ARHGAP40: variants seen among roughly 807,000 people sequenced by gnomAD.
The protein encoded by ARHGAP40 is Rho GTPase activating protein 40.
A neutral mutation model predicts 73.5 loss-of-function variants in ARHGAP40; 43 were observed. The ratio of observed to expected loss-of-function variants is 0.58; its 90% CI spans 0.46 to 0.75. The LOEUF is 0.75. Ranked by LOEUF, ARHGAP40 falls within the 30% of genes least tolerant of loss-of-function variation. The pLI is 0.00. For missense variants in ARHGAP40, 734 were observed against 861.8 expected (o/e 0.85, Z 1.86); for synonymous variants, 300 against 352.8 (o/e 0.85, Z 1.68).
At chr20:38,630,497 A>G (rs886294638) in intron 5 of ARHGAP40, among the ~76,000 whole-genome samples, 3 of 152,254 alleles carry the variant, frequency 2.0e-5, no homozygotes, top group Admixed American at 6.5e-5. Context: ...CTGGGATTAC[A>G]GGTGTGAGCC....
intron 5 of ARHGAP40, among the ~76,000 whole-genome samples, chr20:38,634,081 G>A (rs2088958309): frequency 6.6e-6 from 1 of 152,294 alleles, no homozygotes; most frequent in Middle Eastern, 3.4e-3. Flanking sequence ...GGTCGTTGCC[G>A]TGGCTCATGC....
chr20:38,648,557 G>A (rs779931591), intron 13 of ARHGAP40, 86 bp from the exon 14 acceptor site: 109 of 1,146,736 alleles, frequency 9.5e-5, no homozygotes, highest in Non-Finnish European at 1.1e-4. Flanking sequence ...CCCTTTCCAG[G>A]GCTGGGGGCC....
chr20:38,614,780 C>T lies in ARHGAP40; in HGVS notation c.138-8579C>T, dbSNP rs1201563914. On this transcript the variant is annotated intron_variant, in intron 1 of 14. Transcript: ENST00000373345. ...AAACTTGTTGCTTCTCCAACAATGT[C>T]ATGAATCCATTCCTTGCACCATCGC... 7 of 637,718 alleles carry T rather than the reference C, an allele frequency of 1.1e-5. No homozygotes were observed. In the Admixed American group the frequency reaches 1.3e-4, roughly 12 times the overall value. 39.5% of individuals were successfully genotyped at this position (637,718 alleles called of 1,614,324 possible).
intron 1 of ARHGAP40, among the ~76,000 whole-genome samples, chr20:38,604,941 GA>G (rs1277591806): frequency 1.5e-3 from 208 of 139,458 alleles, no homozygotes; most frequent in African/African-American, 2.6e-3. Flanking sequence ...CACTGCCAAA[GA>G]AAAAAAAAAA....
rs2145616415 is a variant in ARHGAP40, at chr20:38,646,480, A to G, written c.1710+293A>G. On this transcript the variant is annotated intron_variant, in intron 12 of 14. Coordinates refer to ENST00000373345, the Ensembl canonical transcript of ARHGAP40. This position sits in a 1 kb window ranked among gnomAD's most constrained non-coding sequence, Gnocchi z 4.5. Reference sequence around the variant, plus strand: ...CCTGGCCGAGGGTTGGGAAAATGGGAGTCGCTCTGCGGGGTGTGAGGTGAT... The same window carrying G: ...CCTGGCCGAGGGTTGGGAAAATGGGGGTCGCTCTGCGGGGTGTGAGGTGAT... 6.6e-6 allele frequency among the ~76,000 whole-genome samples: 1 copy of G among 152,282 alleles called. No homozygotes were observed. The highest frequency in any genetic ancestry group is 1.9e-4 in the East Asian group (1 of 5,180).
Position 38,639,361 on chromosome 20 carries a change from C to A in ARHGAP40, c.1254C>A (p.Tyr418Ter). 1 of 1,305,550 alleles carries A rather than the reference C, an allele frequency of 7.7e-7. No individual in the cohort carries two copies. Among genetic ancestry groups the A allele is most frequent in the Non-Finnish European group, 1.0e-6 (1 of 988,994 alleles). 80.9% of individuals were successfully genotyped at this position (1,305,550 alleles called of 1,614,324 possible). The stretch of plus-strand genomic sequence containing the variant: ...CGACACCTTTGCTCACGGCTGAGTA[C>A]CTCCCGGCCTTCGCCGTGGTGCCTA... Residue 418 changes from tyrosine to a stop codon, truncating the protein, a stop_gained, in exon 9 of 15, where the codon TAC becomes TAA. Transcript: ENST00000373345. LOFTEE classifies it high-confidence loss of function.
At chr20:38,622,578 G>A (rs1233608965) in intron 1 of ARHGAP40, among the ~76,000 whole-genome samples, 1 of 152,132 alleles carries the variant, frequency 6.6e-6, no homozygotes, top group Non-Finnish European at 1.5e-5. Context: ...AGAAGAGGGG[G>A]ATTAAAGGGA....
chr20:38,633,954 T>C (rs2088957446), intron 5 of ARHGAP40, among the ~76,000 whole-genome samples: 1 of 152,212 alleles, frequency 6.6e-6, no homozygotes, highest in South Asian at 2.1e-4. Context: ...CCAGGTCCTC[T>C]TGTGGAAGGG....
exon 7 of ARHGAP40, chr20:38,637,716 C>T (rs1322351846): frequency 9.2e-6 from 12 of 1,305,224 alleles, no homozygotes; most frequent in South Asian, 7.4e-5. Context: ...AGAAACTCGC[C>T]TCTTTGGTGT....
At chr20:38,642,608 TCCTC>T (rs368402526) in intron 10 of ARHGAP40, among the ~76,000 whole-genome samples, 1 of 151,436 alleles carries the variant, frequency 6.6e-6, no homozygotes, top group Non-Finnish European at 1.5e-5. Context: ...CTTCCTTTCT[TCCTC>T]CCTCCCTCCC....
At chr20:38,643,301 C>T (rs938195985) in intron 10 of ARHGAP40, among the ~76,000 whole-genome samples, 1 of 152,232 alleles carries the variant, frequency 6.6e-6, no homozygotes, top group African/African-American at 2.4e-5. Flanking sequence ...AGTGTCTCTG[C>T]TTCTCCCAGC....
At chr20:38,607,871 A>C (rs922399315) in intron 1 of ARHGAP40, among the ~76,000 whole-genome samples, 5 of 152,268 alleles carry the variant, frequency 3.3e-5, no homozygotes, top group African/African-American at 1.2e-4. Flanking sequence ...GGGCATTTGC[A>C]TTTTATCTCC....
At chr20:38,611,559 A>C (rs2088805168) in intron 1 of ARHGAP40, among the ~76,000 whole-genome samples, 1 of 151,550 alleles carries the variant, frequency 6.6e-6, no homozygotes, top group Non-Finnish European at 1.5e-5. Flanking sequence ...CTGGGACTCC[A>C]GTTATGCACA....
At chr20:38,630,926 T>G (rs1232738447) in intron 5 of ARHGAP40, among the ~76,000 whole-genome samples, 1 of 152,162 alleles carries the variant, frequency 6.6e-6, no homozygotes, top group African/African-American at 2.4e-5. Context: ...GATGCAATCT[T>G]AGGTAACATT....
At chr20:38,604,186 C>A (rs1268758874) in intron 1 of ARHGAP40, among the ~76,000 whole-genome samples, 1 of 152,174 alleles carries the variant, frequency 6.6e-6, no homozygotes, top group Non-Finnish European at 1.5e-5. Context: ...GACTCCACCA[C>A]CACCCTCCCT....
At chr20:38,640,787 T>C (rs1445317995) in intron 9 of ARHGAP40, among the ~76,000 whole-genome samples, 4 of 152,122 alleles carry the variant, frequency 2.6e-5, no homozygotes, top group Admixed American at 2.0e-4. Flanking sequence ...CCACCCTCAT[T>C]TGGCTGCTTT....
At chr20:38,610,895 C>CTT (rs1409196101) in intron 1 of ARHGAP40, among the ~76,000 whole-genome samples, 16 of 105,674 alleles carry the variant, frequency 1.5e-4, no homozygotes, top group Non-Finnish European at 2.3e-4. Flanking sequence ...TTTTTTTTTT[C>CTT]TTTTTTTTTT....
intron 14 of ARHGAP40, among the ~76,000 whole-genome samples, 198 bp from the exon 15 acceptor site, chr20:38,649,559 A>G (rs1274740114): frequency 6.6e-6 from 1 of 150,426 alleles, no homozygotes; most frequent in African/African-American, 2.4e-5. Flanking sequence ...TTCCCAGGGG[A>G]AAGGGGGTGT....
In ARHGAP40 at chr20:38,629,685, TCC is replaced by T. The variant is rs1568608387; in HGVS notation, c.783+39_783+40del. The T allele has an allele frequency of 5.4e-6, 7 of 1,300,860 alleles. No individual in the cohort carries two copies. In the Admixed American group the frequency reaches 1.6e-4, roughly 30 times the overall value. 80.6% of individuals were successfully genotyped at this position (1,300,860 alleles called of 1,614,324 possible). ...CTGTCCACAGGGCTGGTTGGCTAGG[TCC>T]CCCTGTGCTCAGGCACCAGCACCCA... On this transcript the variant is annotated intron_variant, in intron 5 of 14. Coordinates refer to ENST00000373345, the Ensembl canonical transcript of ARHGAP40.
Sources: allele counts gnomAD v4.1 joint callset (sites outside exome capture counted in the v4.1 genomes callset), GRCh38; gene constraint gnomAD v4.1.1; non-coding constraint Gnocchi (gnomAD v3.1); transcripts MANE v1.5; gene names NCBI Gene and HGNC (gene_info 2026-07-23, HGNC 2026-07-21).